EGFR: variants seen among roughly 807,000 people sequenced by gnomAD.
EGFR encodes epidermal growth factor receptor.
EGFR carries 58 observed loss-of-function variants against 143.0 expected under a neutral mutation model. The observed-to-expected ratio is 0.41, with a 90% CI of 0.33 to 0.50. The LOEUF (loss-of-function observed/expected upper bound fraction) is 0.50. Among genes scored for constraint, EGFR ranks in the 20% least tolerant of loss-of-function variants. EGFR has a pLI of 0.39. For missense variants in EGFR, 1,307 were observed against 1,579.0 expected, an observed-to-expected ratio of 0.83 and a Z score of 2.92; for synonymous variants, 613 against 594.4, an observed-to-expected ratio of 1.03 and a Z score of -0.45.
chr7:55,166,643 G>C (rs1454526028), intron 15 of EGFR, among the ~76,000 whole-genome samples: 2 of 151,242 alleles, frequency 1.3e-5, no homozygotes, highest in Non-Finnish European at 3.0e-5. Context: ...GAGTCACAGT[G>C]GTGGTGGTGT....
At chr7:55,130,193 C>T (rs1418259349) in intron 1 of EGFR, among the ~76,000 whole-genome samples, 1 of 152,188 alleles carries the variant, frequency 6.6e-6, no homozygotes, top group African/African-American at 2.4e-5. Flanking sequence ...AAAGAGCCAG[C>T]TCAGGATAGC....
In EGFR at chr7:55,019,107, G is replaced by A; in HGVS notation, c.-171G>A. 2.7e-6 allele frequency: 1 copy of A among 364,026 alleles called. No individual in the cohort carries two copies. Among genetic ancestry groups the A allele is most frequent in the Non-Finnish European group, 4.7e-6 (1 of 212,782 alleles). The allele number at this position is 364,026 out of a possible 1,614,324, so 22.5% of individuals were successfully genotyped here. ...GCCCGACGCGGCCGAGGCGGCCGGA[G>A]TCCCGAGCTAGCCCCGGCGGCCGCC... On this transcript the variant is annotated 5_prime_UTR_variant, in exon 1 of 28. Coordinates refer to ENST00000275493, the MANE Select transcript of EGFR (RefSeq NM_005228.5).
At chr7:55,180,441 C>G (rs1786807474) in intron 19 of EGFR, 1 of 152,256 alleles carries the variant, frequency 6.6e-6, no homozygotes, top group Non-Finnish European at 1.5e-5. Flanking sequence ...ATGGCTCTGT[C>G]AAAGGAAGGC....
chr7:55,178,507 G>A (rs1401314106), intron 19 of EGFR, among the ~76,000 whole-genome samples: 1 of 152,190 alleles, frequency 6.6e-6, no homozygotes, highest in Non-Finnish European at 1.5e-5. Flanking sequence ...GCCATGGAGG[G>A]AGCCAGGGTC....
At chr7:55,065,888 A>G (rs984004090) in intron 1 of EGFR, among the ~76,000 whole-genome samples, 1 of 150,926 alleles carries the variant, frequency 6.6e-6, no homozygotes, top group Non-Finnish European at 1.5e-5. Context: ...GTCATTCCAA[A>G]ACTATTCTCT....
chr7:55,084,705 C>T (rs563829235), intron 1 of EGFR, among the ~76,000 whole-genome samples: 34 of 152,188 alleles, frequency 2.2e-4, no homozygotes, highest in African/African-American at 3.1e-4. Context: ...AGTCAAGTGA[C>T]GGATGAAGGC....
intron 22 of EGFR, 135 bp downstream of exon 22, chr7:55,192,976 C>G: frequency 2.4e-6 from 2 of 826,828 alleles, no homozygotes; most frequent in Non-Finnish European, 4.0e-6. Flanking sequence ...GTAATCATTG[C>G]TGTCTATCTA....
chr7:55,144,338 C>A (rs1368840793), intron 3 of EGFR, among the ~76,000 whole-genome samples: 1 of 152,178 alleles, frequency 6.6e-6, no homozygotes, highest in Admixed American at 6.5e-5. Context: ...GCTCTGCCAT[C>A]GTACAAATAA....
At chr7:55,106,325 C>T (rs1792130053) in intron 1 of EGFR, among the ~76,000 whole-genome samples, 1 of 152,246 alleles carries the variant, frequency 6.6e-6, no homozygotes, top group Admixed American at 6.5e-5. Context: ...CTCACAAAAC[C>T]ATTCTGGGTC....
intron 1 of EGFR, among the ~76,000 whole-genome samples, chr7:55,075,769 C>G (rs951683791): frequency 6.6e-6 from 1 of 152,150 alleles, no homozygotes; most frequent in African/African-American, 2.4e-5. Context: ...GGGATTGGAA[C>G]TCTTTATTTT....
At chr7:55,157,505 T>G (rs192002838) in intron 10 of EGFR, among the ~76,000 whole-genome samples, 158 bp from the exon 11 acceptor site, 3 of 152,246 alleles carry the variant, frequency 2.0e-5, no homozygotes, top group Non-Finnish European at 4.4e-5. Context: ...GCCCTGCGCA[T>G]GTACACTCAG....
intron 1 of EGFR, among the ~76,000 whole-genome samples, chr7:55,099,528 T>A (rs1164829840): frequency 2.6e-5 from 4 of 152,134 alleles, no homozygotes; most frequent in Non-Finnish European, 5.9e-5. Context: ...GAGGGGGGAA[T>A]TCGGGAGCTG....
intron 4 of EGFR, among the ~76,000 whole-genome samples, chr7:55,148,101 G>A (rs1268797541): frequency 6.6e-6 from 1 of 152,086 alleles, no homozygotes; most frequent in Non-Finnish European, 1.5e-5. Flanking sequence ...TGGGTATTGA[G>A]GCTCTTTGTT....
At chr7:55,094,594 A>G (rs1269226451) in intron 1 of EGFR, among the ~76,000 whole-genome samples, 2 of 152,254 alleles carry the variant, frequency 1.3e-5, no homozygotes, top group Non-Finnish European at 2.9e-5. Flanking sequence ...GAAAACAAGA[A>G]GAGGAATTTA....
At chr7:55,161,393 C>T (rs1464488082) in intron 12 of EGFR, 106 bp from the exon 13 acceptor site, 8 of 1,454,578 alleles carry the variant, frequency 5.5e-6, no homozygotes, top group Middle Eastern at 2.5e-4. Context: ...GTCTGTGTCA[C>T]CCAAGGTCAT....
rs2128954605 is a variant in EGFR at position 55,174,742 on chromosome 7, T to C, written c.2205T>C (p.Gly735=). The C allele has an allele frequency of 6.2e-7, 1 of 1,613,836 alleles. No individual in the cohort carries two copies. The highest frequency in any genetic ancestry group is 8.5e-7 in the Non-Finnish European group (1 of 1,179,790). The change falls in exon 19 of 28, where the codon GGT becomes GGC. Residue 735 remains glycine (G), a synonymous_variant. Coordinates refer to ENST00000275493, the MANE Select transcript of EGFR (RefSeq NM_005228.5). ...TVYKGLWIPE[G]EKVKIPVAIK... The stretch of plus-strand genomic sequence containing the variant: ...CATAGGGACTCTGGATCCCAGAAGG[T>C]GAGAAAGTTAAAATTCCCGTCGCTA...
At chr7:55,026,603 C>A (rs533419480) in intron 1 of EGFR, among the ~76,000 whole-genome samples, 15 of 152,208 alleles carry the variant, frequency 9.9e-5, no homozygotes, top group Non-Finnish European at 2.2e-4. Context: ...GAGATAACCC[C>A]CCTCCAGCAG....
At chr7:55,131,505 G>A (rs759843622) in intron 1 of EGFR, among the ~76,000 whole-genome samples, 2 of 152,096 alleles carry the variant, frequency 1.3e-5, no homozygotes, top group Non-Finnish European at 2.9e-5. Context: ...AGATGACGAC[G>A]ACTCAGGGAA....
chr7:55,198,908 G>A (rs770607874), intron 23 of EGFR, 45 bp downstream of exon 23: 1 of 1,612,132 alleles, frequency 6.2e-7, no homozygotes, highest in Non-Finnish European at 8.5e-7. Context: ...CTGAGCCTTG[G>A]TGGCTGCTCT....
Sources: allele counts gnomAD v4.1 joint callset (sites outside exome capture counted in the v4.1 genomes callset), GRCh38; gene constraint gnomAD v4.1.1; transcripts MANE v1.5; gene names NCBI Gene and HGNC (gene_info 2026-07-23, HGNC 2026-07-21).